The following DCC variants were observed in gnomAD, a reference collection of about 807,000 sequenced individuals.
The protein encoded by DCC is DCC netrin 1 receptor.
Under a neutral mutation model 172.5 loss-of-function variants are expected in DCC, and 58 were observed. That is an observed-to-expected ratio of 0.34 (90% CI 0.27 to 0.42). DCC has a LOEUF of 0.42. Among genes scored for constraint, DCC ranks in the 10% least tolerant of loss-of-function variants. The pLI is 1.00. For synonymous variants in DCC, 709 were observed against 644.5 expected (o/e 1.10, Z -1.52); for missense variants, 1,740 against 1,791.0 (o/e 0.97, Z 0.51).
intron 2 of DCC, among the ~76,000 whole-genome samples, chr18:52,869,712 G>A (rs1452170547): frequency 6.6e-6 from 1 of 152,226 alleles, no homozygotes; most frequent in African/African-American, 2.4e-5. Flanking sequence ...CCAAAGTCTA[G>A]AGGGGGCCAA....
At chr18:53,066,196 C>A in intron 7 of DCC, 30 bp downstream of exon 7, 7 of 1,606,692 alleles carry the variant, frequency 4.4e-6, no homozygotes, top group Non-Finnish European at 6.0e-6. Flanking sequence ...GCTTTGGTAC[C>A]TGGAATGAAA....
chr18:52,606,259 A>T (rs1186982583), intron 1 of DCC, among the ~76,000 whole-genome samples: 4 of 152,026 alleles, frequency 2.6e-5, no homozygotes, highest in Non-Finnish European at 5.9e-5. Context: ...TTTACTATCT[A>T]TGTATTGTTG....
intron 1 of DCC, among the ~76,000 whole-genome samples, chr18:52,651,628 A>T (rs2035133367): frequency 6.6e-6 from 1 of 151,876 alleles, no homozygotes; most frequent in South Asian, 2.1e-4. Flanking sequence ...TATGTTATTA[A>T]TCTACATCCT....
At chr18:53,017,021 A>G (rs912578971) in intron 5 of DCC, among the ~76,000 whole-genome samples, 2 of 150,878 alleles carry the variant, frequency 1.3e-5, no homozygotes, top group African/African-American at 4.9e-5. Flanking sequence ...TACTCACTTT[A>G]GTTTTATAAA....
At chr18:53,222,419 C>G (rs2055954748) in intron 12 of DCC, among the ~76,000 whole-genome samples, 1 of 123,190 alleles carries the variant, frequency 8.1e-6, no homozygotes, top group African/African-American at 3.1e-5. Flanking sequence ...GAGTCTTGCT[C>G]TGTCACCCAG....
At chr18:52,871,239 C>T (rs1038356668) in intron 2 of DCC, among the ~76,000 whole-genome samples, 3 of 152,094 alleles carry the variant, frequency 2.0e-5, no homozygotes, top group South Asian at 2.1e-4. Flanking sequence ...AACCCCTCCA[C>T]GGTGGAAACC....
intron 5 of DCC, among the ~76,000 whole-genome samples, chr18:52,989,509 G>A (rs945352504): frequency 1.3e-5 from 2 of 152,120 alleles, no homozygotes; most frequent in Non-Finnish European, 2.9e-5. Flanking sequence ...GGCGACAAGA[G>A]GGAGACTCCG....
chr18:53,431,549 G>T (rs868081314), intron 21 of DCC, among the ~76,000 whole-genome samples: 2 of 151,472 alleles, frequency 1.3e-5, no homozygotes, highest in African/African-American at 2.4e-5. Flanking sequence ...GTGCAGTGTC[G>T]CAGTCTCGGC....
intron 12 of DCC, among the ~76,000 whole-genome samples, chr18:53,242,456 A>C (rs2144640406): frequency 6.6e-6 from 1 of 152,282 alleles, no homozygotes; most frequent in Admixed American, 6.5e-5. Context: ...TTTCCCAAGT[A>C]AGTTGAAGAG....
chr18:53,358,093 T>A (rs1252653564), intron 15 of DCC, among the ~76,000 whole-genome samples: 1 of 152,144 alleles, frequency 6.6e-6, no homozygotes, highest in Non-Finnish European at 1.5e-5. Context: ...GCCAATAGTT[T>A]GTCCAATTAC....
At chr18:52,554,660 C>A (rs1411149292) in intron 1 of DCC, among the ~76,000 whole-genome samples, 1 of 151,976 alleles carries the variant, frequency 6.6e-6, no homozygotes, top group African/African-American at 2.4e-5. Context: ...GAAAGGGATA[C>A]CTAGCATGAT....
chr18:52,732,415 T>C (rs2036657180), intron 1 of DCC, among the ~76,000 whole-genome samples: 1 of 152,180 alleles, frequency 6.6e-6, no homozygotes, highest in Admixed American at 6.6e-5. Context: ...AGAGCAATCA[T>C]TATAAGATAT....
chr18:53,099,190 C>T (rs764307724), intron 7 of DCC, among the ~76,000 whole-genome samples: 1 of 152,066 alleles, frequency 6.6e-6, no homozygotes, highest in Non-Finnish European at 1.5e-5. Flanking sequence ...ATAGTTCCTT[C>T]CATTTGTATT....
chr18:53,244,276 G>T (rs1224366878), intron 12 of DCC, among the ~76,000 whole-genome samples: 1 of 152,116 alleles, frequency 6.6e-6, no homozygotes, highest in African/African-American at 2.4e-5. Context: ...TCTACTTCCA[G>T]TATGTTATTG....
chr18:52,739,855 T>A (rs775593389), intron 1 of DCC, among the ~76,000 whole-genome samples: 1 of 152,180 alleles, frequency 6.6e-6, no homozygotes, highest in South Asian at 2.1e-4. Flanking sequence ...TCTATTAATC[T>A]ACTTGGAATC....
At chr18:53,331,762 G>A (rs1317742258) in intron 14 of DCC, among the ~76,000 whole-genome samples, 1 of 151,942 alleles carries the variant, frequency 6.6e-6, no homozygotes, top group Non-Finnish European at 1.5e-5. Context: ...TAATTTTTGG[G>A]CCAAAAAAGG....
chr18:53,528,915 A>T (rs1315319651), intron 28 of DCC, among the ~76,000 whole-genome samples: 2 of 152,026 alleles, frequency 1.3e-5, no homozygotes, highest in African/African-American at 2.4e-5. Context: ...CGTATTATAC[A>T]ATGAAATCTA....
chr18:53,160,308 T>C (rs2054815835), intron 8 of DCC, among the ~76,000 whole-genome samples: 1 of 152,174 alleles, frequency 6.6e-6, no homozygotes, highest in Non-Finnish European at 1.5e-5. Context: ...ACTCTTGTCT[T>C]ACTATCCTTT....
At chr18:53,366,931 G>A (rs924588431) in intron 15 of DCC, among the ~76,000 whole-genome samples, 5 of 152,140 alleles carry the variant, frequency 3.3e-5, no homozygotes, top group Non-Finnish European at 7.4e-5. Flanking sequence ...AGCCACAGGG[G>A]ATAACAGTGT....
Sources: allele counts gnomAD v4.1 joint callset (sites outside exome capture counted in the v4.1 genomes callset), GRCh38; gene constraint gnomAD v4.1.1; transcripts MANE v1.5; gene names NCBI Gene and HGNC (gene_info 2026-07-23, HGNC 2026-07-21).